The following RFX8 variants were observed in gnomAD, a reference collection of about 807,000 sequenced individuals.
RFX8 encodes DNA-binding protein RFX8.
RFX8 carries 46 observed loss-of-function variants against 54.6 expected under a neutral mutation model. The observed-to-expected ratio is 0.84, with a 90% confidence interval of 0.67 to 1.08. The LOEUF (loss-of-function observed/expected upper bound fraction) is 1.08. Ranked by LOEUF, RFX8 falls within the 50% of genes least tolerant of loss-of-function variation. RFX8 has a pLI of 0.00. For missense variants in RFX8, 536 were observed against 562.3 expected (o/e 0.95, Z 0.47); for synonymous variants, 192 against 209.5 (o/e 0.92, Z 0.72).
At chr2:101,452,584 ATAAAG>A (rs1364975238) in intron 2 of RFX8, 2 of 401,738 alleles carry the variant, frequency 5.0e-6, no homozygotes, top group Admixed American at 8.7e-5. Context: ...AAATATAATA[ATAAAG>A]TAATAAGGTA....
intron 11 of RFX8, among the ~76,000 whole-genome samples, chr2:101,398,420 A>AC (rs35998886): frequency 1.4e-5 from 2 of 147,950 alleles, no homozygotes; most frequent in East Asian, 2.0e-4. Context: ...GTAGCTGGAG[A>AC]CCCCCCATCA....
chr2:101,422,435 C>T lies in RFX8; in HGVS notation c.110G>A (p.Gly37Glu). 6.5e-7 allele frequency: 1 copy of T among 1,550,164 alleles called. No individual in the cohort carries two copies. Among genetic ancestry groups the T allele is most frequent in the East Asian group, 2.4e-5 (1 of 40,926 alleles). Residue 37 changes from glycine (G) to glutamate (E), a missense_variant, in exon 3 of 12, where the codon GGA (glycine) becomes GAA (glutamate). Gly to Glu is a moderately conservative substitution (Grantham distance 98). Transcript: ENST00000428343. Reference sequence around the variant, plus strand: ...TCTCCTGAATTCAGACAAAGGGGATCCAACTGGGTCTGTCTTCATCGGTGA... The same window carrying T: ...TCTCCTGAATTCAGACAAAGGGGATTCAACTGGGTCTGTCTTCATCGGTGA... Reference protein sequence around the residue: ...DHSPMKTDPVGSPLSEFRRCP... With the variant: ...DHSPMKTDPVESPLSEFRRCP...
chr2:101,460,191 T>C (rs899798499), intron 2 of RFX8, among the ~76,000 whole-genome samples: 1 of 131,086 alleles, frequency 7.6e-6, no homozygotes, highest in African/African-American at 3.1e-5. Flanking sequence ...CCCGACATCT[T>C]GAGCTTCCTG....
At chr2:101,467,247 C>T (rs1257521630) in intron 1 of RFX8, among the ~76,000 whole-genome samples, 21 of 152,172 alleles carry the variant, frequency 1.4e-4, no homozygotes, top group Non-Finnish European at 2.9e-5. Context: ...CCAAGAGCTA[C>T]ATAACTACAA....
At chr2:101,454,444 T>C (rs1688858255) in intron 2 of RFX8, among the ~76,000 whole-genome samples, 1 of 152,248 alleles carries the variant, frequency 6.6e-6, no homozygotes, top group Non-Finnish European at 1.5e-5. Flanking sequence ...ATGGTATTTC[T>C]AGTTCTAGAA....
intron 2 of RFX8, among the ~76,000 whole-genome samples, chr2:101,445,149 A>G (rs1039933160): frequency 1.3e-5 from 2 of 151,928 alleles, no homozygotes; most frequent in African/African-American, 4.8e-5. Flanking sequence ...TCTAACCTCT[A>G]CCTCACCTCT....
chr2:101,433,050 G>A (rs915404938), intron 2 of RFX8, among the ~76,000 whole-genome samples: 2 of 152,142 alleles, frequency 1.3e-5, no homozygotes, highest in African/African-American at 4.8e-5. Flanking sequence ...GATGGAGGGA[G>A]AAGAGCCCAG....
At chr2:101,438,732 G>C (rs1374622704) in intron 2 of RFX8, among the ~76,000 whole-genome samples, 1 of 152,186 alleles carries the variant, frequency 6.6e-6, no homozygotes, top group Admixed American at 6.5e-5. Flanking sequence ...ATCCTTGCTG[G>C]CATTGGGTGC....
intron 10 of RFX8, 127 bp downstream of exon 10, chr2:101,405,816 G>T: frequency 1.8e-6 from 1 of 544,042 alleles, no homozygotes; most frequent in Non-Finnish European, 3.2e-6. Context: ...CTGTATCTAT[G>T]TTATATTTTA....
chr2:101,415,023 G>C, intron 6 of RFX8, 111 bp from the exon 7 acceptor site: 1 of 774,612 alleles, frequency 1.3e-6, no homozygotes, highest in Non-Finnish European at 2.1e-6. Flanking sequence ...TGGCTAAACT[G>C]CAACTTCCCC....
chr2:101,404,948 T>A (rs886469309), intron 10 of RFX8, among the ~76,000 whole-genome samples: 12 of 152,166 alleles, frequency 7.9e-5, no homozygotes, highest in Non-Finnish European at 1.8e-4. Flanking sequence ...CTTCTTGCTG[T>A]GAGAGTATCT....
intron 2 of RFX8, among the ~76,000 whole-genome samples, chr2:101,440,597 A>G (rs149819181): frequency 6.6e-6 from 1 of 152,310 alleles, no homozygotes; most frequent in African/African-American, 2.4e-5. Flanking sequence ...AGCACACAGG[A>G]AGCCTCACAA....
chr2:101,464,209 A>T (rs1216760685), intron 2 of RFX8, among the ~76,000 whole-genome samples: 2 of 152,222 alleles, frequency 1.3e-5, no homozygotes, highest in African/African-American at 4.8e-5. Flanking sequence ...GGGAAGTGAT[A>T]GCCGGCATTC....
Position 101,406,065 on chromosome 2 carries a change from G to A in RFX8, c.814-8C>T. 1 of 1,501,118 alleles carries A rather than the reference G, an allele frequency of 6.7e-7. No individual in the cohort carries two copies. The highest frequency in any genetic ancestry group is 9.0e-7 in the Non-Finnish European group (1 of 1,111,914). The allele number at this position is 1,501,118 out of a possible 1,614,324, so 93.0% of individuals were successfully genotyped here. ...TTCTTTGCTTCTGCTTGTCTGTTAAGTTTTTGTGAGAAAAAAGGCTGCAGT... is the reference window on the plus strand; with the variant it reads ...TTCTTTGCTTCTGCTTGTCTGTTAAATTTTTGTGAGAAAAAAGGCTGCAGT... On this transcript the variant is annotated splice_polypyrimidine_tract_variant and splice_region_variant and intron_variant, in intron 9 of 11. Transcript: ENST00000428343.
At chr2:101,399,607 G>A (rs1454952163) in intron 11 of RFX8, among the ~76,000 whole-genome samples, 4 of 152,206 alleles carry the variant, frequency 2.6e-5, no homozygotes, top group African/African-American at 4.8e-5. Flanking sequence ...TTAGGAGGCC[G>A]TGGTGGAGAA....
intron 2 of RFX8, among the ~76,000 whole-genome samples, chr2:101,460,966 C>A (rs1042498593): frequency 4.0e-5 from 6 of 151,380 alleles, no homozygotes; most frequent in Non-Finnish European, 8.8e-5. Flanking sequence ...TCAAAATGTA[C>A]GGGAGAAAAA....
intron 1 of RFX8, among the ~76,000 whole-genome samples, chr2:101,467,453 A>G (rs1190797009): frequency 4.6e-5 from 7 of 152,170 alleles, no homozygotes; most frequent in Admixed American, 4.6e-4. Flanking sequence ...AGGGCAGGCC[A>G]TTATGTTTGG....
intron 8 of RFX8, 66 bp downstream of exon 8, chr2:101,412,849 A>AT: frequency 7.0e-7 from 1 of 1,428,300 alleles, no homozygotes; most frequent in Non-Finnish European, 9.5e-7. Context: ...TGAGTTAACG[A>AT]TGGCCATGCT....
intron 1 of RFX8, among the ~76,000 whole-genome samples, chr2:101,473,321 G>A (rs1573508468): frequency 1.3e-5 from 2 of 152,352 alleles, no homozygotes; most frequent in South Asian, 2.1e-4. Context: ...CGATGCATGA[G>A]GGGCCTGGGT....
Sources: allele counts gnomAD v4.1 joint callset (sites outside exome capture counted in the v4.1 genomes callset), GRCh38; gene constraint gnomAD v4.1.1; transcripts MANE v1.5; gene names NCBI Gene and HGNC (gene_info 2026-07-23, HGNC 2026-07-21).